RGS6: variants seen among roughly 807,000 people sequenced by gnomAD.
The protein encoded by RGS6 is regulator of G-protein signaling 6.
In RGS6, 30 loss-of-function variants were observed where a neutral mutation model predicts 78.5. The ratio of observed to expected loss-of-function variants is 0.38; its 90% CI spans 0.29 to 0.52. RGS6 has a LOEUF of 0.52. Ranked by LOEUF, RGS6 falls within the 20% of genes least tolerant of loss-of-function variation. The pLI is 0.85. For synonymous variants in RGS6, 206 were observed against 206.0 expected (o/e 1.00, Z 0.00); for missense variants, 495 against 609.7 (o/e 0.81, Z 1.98).
rs60376099 is a variant in RGS6, at chr14:72,566,003, C to G, written c.*3536C>G. ...ATGCACCACCAGCCTCAAAAAGGAG[C>G]TGCCCAAGTTGAATATGTAGCAAAG... On this transcript the variant is annotated 3_prime_UTR_variant, in exon 18 of 18. Coordinates refer to ENST00000553525, the MANE Select transcript of RGS6 (RefSeq NM_001204424.2). 0.14 allele frequency: 20,762 copies of G among 152,118 alleles called. 1,702 individuals are homozygous for G. The highest frequency in any genetic ancestry group is 0.23 in the African/African-American group (9,445 of 41,444). The allele number at this position is 152,118 out of a possible 1,614,324, so 9.4% of individuals were successfully genotyped here.
At chr14:72,295,787 T>A (rs562407849) in intron 2 of RGS6, among the ~76,000 whole-genome samples, 80 of 152,354 alleles carry the variant, frequency 5.3e-4, no homozygotes, top group African/African-American at 1.9e-3. Context: ...AGGAAACTGC[T>A]ATTAGCGTTT....
intron 6 of RGS6, among the ~76,000 whole-genome samples, chr14:72,462,255 T>G (rs2095800936): frequency 6.6e-6 from 1 of 152,202 alleles, no homozygotes; most frequent in Admixed American, 6.5e-5. Flanking sequence ...GGTGAGGATC[T>G]GGCTTGAGTA....
intron 2 of RGS6, among the ~76,000 whole-genome samples, chr14:71,970,886 C>G (rs2093760963): frequency 6.6e-6 from 1 of 151,954 alleles, no homozygotes; most frequent in Non-Finnish European, 1.5e-5. Flanking sequence ...TAGAAGACAT[C>G]CAGAGGATTT....
intron 14 of RGS6, 46 bp from the exon 15 acceptor site, chr14:72,518,305 G>A (rs758216702): frequency 3.2e-5 from 51 of 1,576,694 alleles, no homozygotes; most frequent in African/African-American, 1.8e-4. Context: ...GCAACATCCC[G>A]ATGCTGAGCC....
At chr14:72,562,242 G>A (rs1270532956) in intron 17 of RGS6, among the ~76,000 whole-genome samples, 175 bp from the exon 18 acceptor site, 3 of 152,204 alleles carry the variant, frequency 2.0e-5, no homozygotes, top group African/African-American at 7.2e-5. Context: ...TTCTCCAGCT[G>A]TCCAAAGTTA....
rs28428926 is a variant in RGS6, at chr14:72,466,101, A to G, written c.459+279A>G. On this transcript the variant is annotated intron_variant, in intron 7 of 17. Coordinates refer to ENST00000553525, the MANE Select transcript of RGS6 (RefSeq NM_001204424.2). ...CTTAACAGATATTTTACCAAAGAGG[A>G]CACAAGGATGATAAATAAACCCATG... 0.078 allele frequency among the ~76,000 whole-genome samples: 11,813 copies of G among 152,286 alleles called. 795 individuals carry two copies. Among genetic ancestry groups the G allele is most frequent in the East Asian group, 0.17 (866 of 5,194 alleles).
chr14:72,172,488 G>C (rs1177536962), intron 2 of RGS6, among the ~76,000 whole-genome samples: 4 of 152,002 alleles, frequency 2.6e-5, no homozygotes, highest in African/African-American at 7.2e-5. Flanking sequence ...TTGTAAACAT[G>C]TGTTATGTAT....
intron 2 of RGS6, among the ~76,000 whole-genome samples, chr14:72,014,232 G>A (rs1318058172): frequency 6.6e-6 from 1 of 152,176 alleles, no homozygotes; most frequent in Non-Finnish European, 1.5e-5. Context: ...TGACAGTTAA[G>A]AGAGGAATGA....
At chr14:72,457,854 C>CT (rs952955330) in intron 4 of RGS6, among the ~76,000 whole-genome samples, 2 of 152,212 alleles carry the variant, frequency 1.3e-5, no homozygotes, top group African/African-American at 2.4e-5. Context: ...AGGCTGCATT[C>CT]TTACTGCTGG....
rs557078480 is a variant in RGS6 at position 72,229,024 on chromosome 14, T to C, written c.85-123071T>C. On this transcript the variant is annotated intron_variant, in intron 2 of 17. Transcript: ENST00000553525. ...GAGCTGAGATTGTGCCACTGCACTCTAGCCTGGGCAACAAGAGTGAAACTC... is the reference window on the plus strand; with the variant it reads ...GAGCTGAGATTGTGCCACTGCACTCCAGCCTGGGCAACAAGAGTGAAACTC... Among the ~76,000 whole-genome samples, 703 of 152,320 alleles carry C rather than the reference T, an allele frequency of 4.6e-3. 2 individuals carry two copies. The highest frequency in any genetic ancestry group is 8.4e-3 in the Non-Finnish European group (570 of 68,024).
intron 2 of RGS6, among the ~76,000 whole-genome samples, chr14:72,044,137 A>G (rs1320993760): frequency 1.3e-5 from 2 of 152,134 alleles, no homozygotes; most frequent in Non-Finnish European, 2.9e-5. Flanking sequence ...TCTGATTTCT[A>G]GCAATTCCTT....
At chr14:72,110,507 C>CT in intron 2 of RGS6, among the ~76,000 whole-genome samples, 1 of 152,300 alleles carries the variant, frequency 6.6e-6, no homozygotes, top group Middle Eastern at 3.4e-3. Flanking sequence ...TCTACTGTGT[C>CT]TAATGGTCTT....
intron 2 of RGS6, among the ~76,000 whole-genome samples, chr14:72,268,824 C>T (rs536485220): frequency 6.6e-6 from 1 of 152,252 alleles, no homozygotes; most frequent in African/African-American, 2.4e-5. Context: ...AGAAATATTC[C>T]ACCTGACACA....
rs142825431 is a variant in RGS6, at chr14:72,083,344, A to G, written c.84+118469A>G. 9.9e-5 allele frequency among the ~76,000 whole-genome samples: 15 copies of G among 152,282 alleles called. No individual in the cohort carries two copies. In the East Asian group the frequency reaches 2.5e-3, roughly 26 times the overall value. ...CTCGCTGGGGTCCCCTACTACTGGT[A>G]TCTAGTGGGTAGAGGCCACAGACAC... is the stretch of plus-strand genomic sequence containing the variant. On this transcript the variant is annotated intron_variant, in intron 2 of 17. Transcript: ENST00000553525.
intron 1 of RGS6, among the ~76,000 whole-genome samples, chr14:71,944,170 A>G (rs1343387777): frequency 6.6e-6 from 1 of 152,212 alleles, no homozygotes; most frequent in Non-Finnish European, 1.5e-5. Flanking sequence ...TTCGTTGCCT[A>G]AACAAAAACT....
chr14:72,402,790 G>GTTTTTTTTTTTTTTTTTTT (rs1167831473), intron 3 of RGS6, among the ~76,000 whole-genome samples: 1 of 75,800 alleles, frequency 1.3e-5, no homozygotes, highest in Non-Finnish European at 2.3e-5. Flanking sequence ...TGTTTTTTTG[G>GTTTTTTTTTTTTTTTTTTT]TTTTTTTTTT....
At chr14:72,094,330 T>C (rs1471234717) in intron 2 of RGS6, among the ~76,000 whole-genome samples, 3 of 152,234 alleles carry the variant, frequency 2.0e-5, no homozygotes, top group Non-Finnish European at 2.9e-5. Flanking sequence ...TATTGTTCTA[T>C]GTCTTGTTTT....
rs376538164 is a variant in RGS6 at position 72,294,848 on chromosome 14, T to C, written c.85-57247T>C. Among the ~76,000 whole-genome samples, 35 of 152,268 alleles carry C rather than the reference T, an allele frequency of 2.3e-4. 1 individual carries two copies. In the East Asian group the frequency reaches 6.8e-3, roughly 29 times the overall value. On this transcript the variant is annotated intron_variant, in intron 2 of 17. Coordinates refer to ENST00000553525, the MANE Select transcript of RGS6 (RefSeq NM_001204424.2). ...GATCCAATCACCTCTTACCAGGCCC[T>C]ATCTCCAACATGGGGGATTACAACT...
intron 2 of RGS6, among the ~76,000 whole-genome samples, chr14:72,003,471 G>C (rs4902968): frequency 0.94 from 142,826 of 152,322 alleles, 67,057 homozygotes; most frequent in East Asian, 0.99. Context: ...AACAGAAACT[G>C]TGTACTTATT....
Sources: allele counts gnomAD v4.1 joint callset (sites outside exome capture counted in the v4.1 genomes callset), GRCh38; gene constraint gnomAD v4.1.1; transcripts MANE v1.5; gene names NCBI Gene and HGNC (gene_info 2026-07-23, HGNC 2026-07-21).